The following SPG11 variants were observed in gnomAD, a reference collection of about 807,000 sequenced individuals.
SPG11 encodes the protein spatacsin.
SPG11 carries 222 observed loss-of-function variants against 274.0 expected under a neutral mutation model. That is an observed-to-expected ratio of 0.81 (90% CI 0.73 to 0.91). SPG11 has a LOEUF of 0.91. SPG11 is among the 40% of genes least tolerant of loss of function. The pLI is 0.00. For synonymous variants in SPG11, 1,144 were observed against 1,039.7 expected, an observed-to-expected ratio of 1.10 and a Z score of -1.93; for missense variants, 3,114 against 2,872.7, an observed-to-expected ratio of 1.08 and a Z score of -1.92.
intron 4 of SPG11, among the ~76,000 whole-genome samples, chr15:44,653,633 A>T (rs1357988023): frequency 6.6e-6 from 1 of 152,188 alleles, no homozygotes; most frequent in Non-Finnish European, 1.5e-5. Context: ...GTGACGACAG[A>T]AGAGTTGAGA....
At chr15:44,564,499 C>CA in intron 39 of SPG11, 48 bp downstream of exon 39, 1 of 1,603,662 alleles carries the variant, frequency 6.2e-7, no homozygotes, top group Non-Finnish European at 8.5e-7. Flanking sequence ...TGTCTCACCT[C>CA]AAAGCAGAGG....
In SPG11 at chr15:44,570,570, C is replaced by T. The variant is rs780549081; in HGVS notation, c.6432G>A (p.Met2144Ile). Residue 2144 changes from methionine to isoleucine, a missense_variant, in exon 34 of 40, where the codon ATG becomes ATA. Physicochemically the swap from Met to Ile is conservative, Grantham distance 10. Transcript: ENST00000261866. Reference sequence around the variant, plus strand: ...TGGGGGCCAGGTGGTTATCTGTGAGCATGTGGGCGGCCTGTAGGACTCGGA... The same window carrying T: ...TGGGGGCCAGGTGGTTATCTGTGAGTATGTGGGCGGCCTGTAGGACTCGGA... Reference protein sequence around the residue: ...GIIRVLQAAHMLTDNHLAPSE... With the variant: ...GIIRVLQAAHILTDNHLAPSE... The T allele has an allele frequency of 6.2e-7, 1 of 1,614,140 alleles. No individual in the cohort carries two copies. The highest frequency in any genetic ancestry group is 1.1e-5 in the South Asian group (1 of 91,070).
chr15:44,588,984 A>T (rs2082836314), intron 28 of SPG11, among the ~76,000 whole-genome samples: 1 of 152,178 alleles, frequency 6.6e-6, no homozygotes, highest in South Asian at 2.1e-4. Flanking sequence ...ACAACAGGGT[A>T]ATGTAGAAGC....
intron 7 of SPG11, among the ~76,000 whole-genome samples, chr15:44,637,183 AC>A (rs1721755113): frequency 6.6e-6 from 1 of 152,178 alleles, no homozygotes; most frequent in African/African-American, 2.4e-5. Flanking sequence ...GAATTAGTGC[AC>A]TGGGAGATAT....
intron 20 of SPG11, among the ~76,000 whole-genome samples, chr15:44,602,149 C>A (rs1434641717): frequency 6.6e-6 from 1 of 152,128 alleles, no homozygotes; most frequent in African/African-American, 2.4e-5. Context: ...TATACAAAAT[C>A]ATGCCATCTG....
rs1293371402 is a variant in SPG11, at chr15:44,608,532, G to A, written c.3365C>T (p.Pro1122Leu). The change falls in exon 19 of 40, where the codon CCT (proline) becomes CTT (leucine). Residue 1122 changes from proline (P) to leucine (L), a missense_variant. Physicochemically the swap from Pro to Leu is moderately conservative, Grantham distance 98. Coordinates refer to ENST00000261866, the MANE Select transcript of SPG11 (RefSeq NM_025137.4). ...DPQLLKMALT[P>L]YPKLKTALFP... ...GAGAGCAGTTTTTAGCTTGGGGTAA[G>A]GAGTTAATGCCATCTTCAATAGCTG... 33 of 1,613,972 alleles carry A rather than the reference G, an allele frequency of 2.0e-5. No homozygotes were observed. The highest frequency in any genetic ancestry group is 2.8e-5 in the Non-Finnish European group (33 of 1,179,986).
chr15:44,637,500 A>T (rs2084312336), intron 7 of SPG11, among the ~76,000 whole-genome samples: 1 of 152,046 alleles, frequency 6.6e-6, no homozygotes, highest in Non-Finnish European at 1.5e-5. Context: ...TTTTTAGTAG[A>T]GATGGGGTTT....
intron 31 of SPG11, among the ~76,000 whole-genome samples, chr15:44,574,498 C>A (rs528935751): frequency 6.6e-6 from 1 of 152,114 alleles, no homozygotes; most frequent in East Asian, 1.9e-4. Context: ...CCCCAAGCAG[C>A]GCAAAGGTAC....
In SPG11 at chr15:44,656,974, C is replaced by T. The variant is rs2084957902; in HGVS notation, c.869+121G>A. On this transcript the variant is annotated intron_variant, in intron 4 of 39. Transcript: ENST00000261866. ...CTACTTTACAATGTATTAGCTAGAA[C>T]ATGATCTAACTGAATAGAAAAAGAA... 3.7e-6 allele frequency: 3 copies of T among 819,244 alleles called. No individual in the cohort carries two copies. The Admixed American group carries it at 7.8e-5, about 21-fold the overall frequency. 50.7% of individuals were successfully genotyped at this position (819,244 alleles called of 1,614,324 possible).
Position 44,620,410 on chromosome 15 carries a change from G to GAA in SPG11, c.2621-9_2621-8dup. 1 of 1,582,806 alleles carries GAA rather than the reference G, an allele frequency of 6.3e-7. No homozygotes were observed. Among genetic ancestry groups the GAA allele is most frequent in the African/African-American group, 1.4e-5 (1 of 73,414 alleles). On this transcript the variant is annotated splice_region_variant and splice_polypyrimidine_tract_variant and intron_variant, in intron 14 of 39. Coordinates refer to ENST00000261866, the MANE Select transcript of SPG11 (RefSeq NM_025137.4). ...GGGGAATATGATTTGTATTCTACAT[G>GAA]AAAAAAAACACATTTTAAAATATAA...
In SPG11 at chr15:44,663,431, G is replaced by A. The variant is rs761218426; in HGVS notation, c.217C>T (p.Arg73Trp). ...LQVLSLTPGS[R>W]GGGRCCLEGP... ...TCCAGGCAGCAGCGACCCCCGCCCC[G>A]GCTGCCAGGCGTCAAAGAAAGCACT... The change falls in exon 1 of 40, where the codon CGG becomes TGG. Residue 73 changes from arginine (R) to tryptophan (W), a missense_variant. Transcript: ENST00000261866. The A allele has an allele frequency of 6.2e-6, 10 of 1,604,118 alleles. No homozygotes were observed. The highest frequency in any genetic ancestry group is 3.4e-5 in the Admixed American group (2 of 58,944).
intron 38 of SPG11, among the ~76,000 whole-genome samples, chr15:44,565,117 G>A (rs967751879): frequency 4.6e-5 from 7 of 152,194 alleles, no homozygotes; most frequent in Non-Finnish European, 1.0e-4. Context: ...ATGAGGAACA[G>A]TGAAAGGGCT....
intron 18 of SPG11, among the ~76,000 whole-genome samples, chr15:44,609,121 A>G (rs2083393890): frequency 6.6e-6 from 1 of 152,136 alleles, no homozygotes; most frequent in Non-Finnish European, 1.5e-5. Flanking sequence ...TTTGAAGATT[A>G]GATATTAAAC....
At chr15:44,643,226 C>T (rs2084507026) in intron 7 of SPG11, among the ~76,000 whole-genome samples, 1 of 152,068 alleles carries the variant, frequency 6.6e-6, no homozygotes, top group African/African-American at 2.4e-5. Flanking sequence ...ATTTCCTAAC[C>T]TCTTTGTGCT....
intron 20 of SPG11, among the ~76,000 whole-genome samples, chr15:44,603,666 A>T (rs1301822734): frequency 1.3e-5 from 2 of 152,120 alleles, no homozygotes; most frequent in Non-Finnish European, 2.9e-5. Flanking sequence ...TCCATGGGGG[A>T]TTGGTTCCTG....
chr15:44,639,536 C>T (rs1236169692), intron 7 of SPG11, among the ~76,000 whole-genome samples: 1 of 151,878 alleles, frequency 6.6e-6, no homozygotes, highest in Non-Finnish European at 1.5e-5. Flanking sequence ...AACCCTGTCT[C>T]TACAAAAAAT....
Position 44,570,030 on chromosome 15 carries a change from T to A in SPG11, c.6477+495A>T, listed in dbSNP as rs528569389. On this transcript the variant is annotated intron_variant, in intron 34 of 39. Coordinates refer to ENST00000261866, the MANE Select transcript of SPG11 (RefSeq NM_025137.4). Reference sequence around the variant, plus strand: ...GCTTTGCTGTCCTTAAATGTGACTCTCAAGTGCTAAAGTGCCATTCTCCTG... The same window carrying A: ...GCTTTGCTGTCCTTAAATGTGACTCACAAGTGCTAAAGTGCCATTCTCCTG... 1.2e-3 allele frequency among the ~76,000 whole-genome samples: 185 copies of A among 152,266 alleles called. 1 individual carries two copies. The highest frequency in any genetic ancestry group is 4.4e-3 in the African/African-American group (181 of 41,562).
chr15:44,572,835 G>C lies in SPG11; in HGVS notation c.6206-15C>G, dbSNP rs761965777. 1 of 1,613,766 alleles carries C rather than the reference G, an allele frequency of 6.2e-7. No homozygotes were observed. Among genetic ancestry groups the C allele is most frequent in the South Asian group, 1.1e-5 (1 of 91,074 alleles). ...CTGCTTATGTCCTGTACAGAGAGGT[G>C]TGAAGACAGGTGCTGGTTTTATCTA... On this transcript the variant is annotated splice_polypyrimidine_tract_variant and intron_variant, in intron 32 of 39. Transcript: ENST00000261866.
In SPG11 at chr15:44,574,966, G is replaced by A; in HGVS notation, c.5942C>T (p.Thr1981Ile). Residue 1981 changes from threonine (T) to isoleucine (I), a missense_variant, in exon 31 of 40, where the codon ACA (threonine) becomes ATA (isoleucine). Thr to Ile is a moderately conservative substitution (Grantham distance 89). Transcript: ENST00000261866. ...GTTCTTCCCATGGAGGCATTTGCTT[G>A]TCAGCACTTCCAGGTTAGTTACCAC... Reference protein sequence around the residue: ...NEVVTNLEVLTSKCLHGKNYC... With the variant: ...NEVVTNLEVLISKCLHGKNYC... The A allele has an allele frequency of 6.2e-7, 1 of 1,614,094 alleles. No homozygotes were observed.
Sources: gnomAD v4.1 joint callset for allele counts (sites outside exome capture counted in the v4.1 genomes callset) on GRCh38, gnomAD v4.1.1 for gene constraint, MANE v1.5 for transcripts, NCBI Gene and HGNC (gene_info 2026-07-23, HGNC 2026-07-21) for gene names.